The following DCX variants were observed in gnomAD, a reference collection of about 807,000 sequenced individuals.
DCX encodes doublecortin.
In DCX, 4 loss-of-function variants were observed where a neutral mutation model predicts 20.9. The ratio of observed to expected loss-of-function variants is 0.19; its 90% CI spans 0.09 to 0.44. The LOEUF (loss-of-function observed/expected upper bound fraction) is 0.44, where lower values mean the gene tolerates loss of function less well. Ranked by LOEUF, DCX falls within the 20% of genes least tolerant of loss-of-function variation. The pLI is 0.99. For missense variants in DCX, 133 were observed against 296.9 expected (o/e 0.45, Z 4.06); for synonymous variants, 103 against 111.4 (o/e 0.92, Z 0.47).
chrX:111,354,853 C>T (rs1344254067), intron 3 of DCX, among the ~76,000 whole-genome samples: 1 of 112,354 alleles, frequency 8.9e-6, no homozygotes, highest in Non-Finnish European at 1.9e-5. Flanking sequence ...GGCCAAAGGC[C>T]CCCTTCTCAC....
chrX:111,403,210 C>T (rs758534935), intron 2 of DCX, among the ~76,000 whole-genome samples: 1 of 112,132 alleles, frequency 8.9e-6, no homozygotes, highest in East Asian at 2.8e-4. Context: ...CAGGAGGTCA[C>T]TGCCTTTGAG....
intron 5 of DCX, among the ~76,000 whole-genome samples, chrX:111,321,931 A>C: frequency 8.9e-6 from 1 of 112,055 alleles, no homozygotes; most frequent in East Asian, 2.8e-4. Context: ...AGACCAAACC[A>C]AGTTAATGCT....
At chrX:111,371,933 T>TACACAC (rs56304092) in intron 3 of DCX, among the ~76,000 whole-genome samples, 36 of 97,483 alleles carry the variant, frequency 3.7e-4, no homozygotes, top group African/African-American at 7.7e-4. Context: ...GATATATGTG[T>TACACAC]ACACACACAC....
At chrX:111,407,802 GCACACACACACA>G (rs34206475) in intron 2 of DCX, among the ~76,000 whole-genome samples, 4 of 90,283 alleles carry the variant, frequency 4.4e-5, no homozygotes, top group East Asian at 3.7e-4. Context: ...ACATCAATAC[GCACACACACACA>G]CACACACACA....
In DCX at chrX:111,410,060, G is replaced by T. The variant is rs587783543; in HGVS notation, c.339C>A (p.Ile113=). Residue 113 remains isoleucine, a synonymous_variant, in exon 2 of 7, where the codon ATC becomes ATA. Transcript: ENST00000636035. ...CTTCCTCCAGTTCATCCATGCTTCC[G>T]ATCTTCCTGGATCCATCAATGGTGT... ...YIYTIDGSRK[I]GSMDELEEGE... The T allele has an allele frequency of 4.2e-5, 51 of 1,209,711 alleles. 1 individual carries two copies. Among genetic ancestry groups the T allele is most frequent in the Non-Finnish European group, 4.7e-5 (42 of 895,179 alleles).
intron 3 of DCX, among the ~76,000 whole-genome samples, chrX:111,350,638 A>T (rs2147671649): frequency 8.9e-6 from 1 of 112,083 alleles, no homozygotes; most frequent in Admixed American, 9.4e-5. Flanking sequence ...AGCTATTCTG[A>T]TAGTTCTTCA....
chrX:111,309,606 T>A (rs1372689048), intron 6 of DCX, among the ~76,000 whole-genome samples: 1 of 112,059 alleles, frequency 8.9e-6, no homozygotes, highest in African/African-American at 3.2e-5. Context: ...GGATACAACA[T>A]CACTCCTATG....
intron 3 of DCX, among the ~76,000 whole-genome samples, chrX:111,370,961 C>G (rs945851845): frequency 9.0e-6 from 1 of 111,595 alleles, no homozygotes; most frequent in African/African-American, 3.3e-5. Flanking sequence ...TTAACATTTG[C>G]TATATTTGCT....
chrX:111,398,574 C>T (rs1311690646), intron 3 of DCX, among the ~76,000 whole-genome samples: 1 of 111,421 alleles, frequency 9.0e-6, no homozygotes, highest in Non-Finnish European at 1.9e-5. Context: ...AATGTCATAT[C>T]ATATGCTGGT....
At chrX:111,321,645 G>C (rs182030096) in intron 5 of DCX, among the ~76,000 whole-genome samples, 1 of 111,349 alleles carries the variant, frequency 9.0e-6, no homozygotes, top group African/African-American at 3.3e-5. Flanking sequence ...GGTGCGAGTG[G>C]CCAAGGACAG....
intron 5 of DCX, among the ~76,000 whole-genome samples, chrX:111,322,669 T>C (rs1443822119): frequency 1.8e-5 from 2 of 112,098 alleles, no homozygotes; most frequent in Admixed American, 1.9e-4. Flanking sequence ...GGTGTCTGGA[T>C]TGCTTTGGCT....
chrX:111,370,558 G>C (rs1000261523), intron 3 of DCX, among the ~76,000 whole-genome samples: 4 of 111,516 alleles, frequency 3.6e-5, no homozygotes, highest in African/African-American at 1.3e-4. Context: ...TTGGAGTAGG[G>C]GGTCAGTGGG....
intron 3 of DCX, among the ~76,000 whole-genome samples, chrX:111,339,774 C>A (rs1922058683): frequency 8.9e-6 from 1 of 111,929 alleles, no homozygotes; most frequent in African/African-American, 3.2e-5. Context: ...ATGCCCAAGA[C>A]TAAACTGTTA....
intron 3 of DCX, among the ~76,000 whole-genome samples, chrX:111,348,776 G>A (rs1249377649): frequency 1.8e-5 from 2 of 109,370 alleles, no homozygotes; most frequent in Non-Finnish European, 3.8e-5. Flanking sequence ...ACAGTTATCT[G>A]TTGCATTTAA....
chrX:111,330,452 T>A (rs1476167391), intron 5 of DCX, among the ~76,000 whole-genome samples: 1 of 112,396 alleles, frequency 8.9e-6, no homozygotes, highest in South Asian at 3.7e-4. Flanking sequence ...TGTACTTGTT[T>A]CCCTTTTTGT....
chrX:111,408,028 G>T (rs1928347422), intron 2 of DCX, among the ~76,000 whole-genome samples: 1 of 111,449 alleles, frequency 9.0e-6, no homozygotes, highest in Admixed American at 9.5e-5. Flanking sequence ...AGGACATATT[G>T]GGTGATACAG....
At chrX:111,379,401 C>T (rs1439824717) in intron 3 of DCX, among the ~76,000 whole-genome samples, 4 of 111,576 alleles carry the variant, frequency 3.6e-5, no homozygotes, top group African/African-American at 1.3e-4. Flanking sequence ...CCCTAGGCAA[C>T]CACAAACCTA....
At chrX:111,343,740 G>C (rs1232873985) in intron 3 of DCX, among the ~76,000 whole-genome samples, 2 of 111,716 alleles carry the variant, frequency 1.8e-5, no homozygotes, top group Non-Finnish European at 3.8e-5. Context: ...CCAGCACTTT[G>C]GGAGGCTAAG....
chrX:111,308,418 A>AT (rs1033194131), intron 6 of DCX, among the ~76,000 whole-genome samples: 11 of 110,148 alleles, frequency 1.0e-4, no homozygotes, highest in South Asian at 7.7e-4. Flanking sequence ...TTTCTTGCTA[A>AT]TTTTTTTTTA....
Sources: gnomAD v4.1 joint callset for allele counts (sites outside exome capture counted in the v4.1 genomes callset) on GRCh38, gnomAD v4.1.1 for gene constraint, MANE v1.5 for transcripts, NCBI Gene and HGNC (gene_info 2026-07-23, HGNC 2026-07-21) for gene names.